Variants in PARD3B observed in about 807,000 individuals in gnomAD.
The protein encoded by PARD3B is partitioning defective 3 homolog B.
In PARD3B, 103 loss-of-function variants were observed where a neutral mutation model predicts 130.2. The ratio of observed to expected loss-of-function variants is 0.79; its 90% confidence interval spans 0.67 to 0.93. The LOEUF is 0.93. Ranked by LOEUF, PARD3B falls within the 40% of genes least tolerant of loss-of-function variation. PARD3B has a pLI of 0.00. For missense variants in PARD3B, 1,609 were observed against 1,499.2 expected (o/e 1.07, Z -1.21); for synonymous variants, 583 against 553.2 (o/e 1.05, Z -0.76).
Position 204,837,714 on chromosome 2 carries a change from G to T in PARD3B, c.223-127438G>T, listed in dbSNP as rs372003180. Among the ~76,000 whole-genome samples the T allele has an allele frequency of 2.6e-4, 39 of 152,200 alleles. 1 individual carries two copies. The highest frequency in any genetic ancestry group is 9.1e-4 in the African/African-American group (38 of 41,540). On this transcript the variant is annotated intron_variant, in intron 2 of 22. Coordinates refer to ENST00000406610, the MANE Select transcript of PARD3B (RefSeq NM_001302769.2). ...TCATGAGGAGCTCACTATTCTGTAGGAAAGACCATACCCTAGTTGGGCAGC... is the reference window on the plus strand; with the variant it reads ...TCATGAGGAGCTCACTATTCTGTAGTAAAGACCATACCCTAGTTGGGCAGC...
chr2:205,295,093 C>CCT (rs1553662621), intron 16 of PARD3B, among the ~76,000 whole-genome samples: 2 of 151,936 alleles, frequency 1.3e-5, no homozygotes, highest in Non-Finnish European at 2.9e-5. Flanking sequence ...AAAAATCAAA[C>CCT]AGAAAATTTT....
rs1477702616 is a variant in PARD3B, at chr2:205,618,108, G to GTTGC, written c.*2296_*2299dup. 7 of 152,190 alleles carry GTTGC rather than the reference G, an allele frequency of 4.6e-5. No individual in the cohort carries two copies. The highest frequency in any genetic ancestry group is 7.3e-5 in the Non-Finnish European group (5 of 68,040). The allele number at this position is 152,190 out of a possible 1,614,324, so 9.4% of individuals were successfully genotyped here. A position where few individuals can be genotyped will look rare whatever the true frequency, so the allele number is the denominator to read the frequency against. On this transcript the variant is annotated 3_prime_UTR_variant, in exon 23 of 23. Transcript: ENST00000406610. ...AAACTGCTCCAAAGCTGGGTTTTGTGTTGCATACAAAGTCAATAAAATAGT... is the reference window on the plus strand; with the variant it reads ...AAACTGCTCCAAAGCTGGGTTTTGTGTTGCTTGCATACAAAGTCAATAAAATAGT...
At position 205,245,158 on chromosome 2, in the gene PARD3B, G is replaced by A. The variant is rs564556868; in HGVS notation, c.2141-620G>A. On this transcript the variant is annotated intron_variant, in intron 15 of 22. Coordinates refer to ENST00000406610, the MANE Select transcript of PARD3B (RefSeq NM_001302769.2). ...GTTCTGCTTGGGTGTTGGCTTTCCC[G>A]CACGGCTGCCTGGAGGCTTTCTTCA... is the stretch of plus-strand genomic sequence containing the variant. Among the ~76,000 whole-genome samples, 14 of 152,240 alleles carry A rather than the reference G, an allele frequency of 9.2e-5. No homozygotes were observed. The South Asian group carries it at 1.7e-3, about 18-fold the overall frequency.
chr2:205,178,719 C>T (rs913428183), intron 13 of PARD3B, among the ~76,000 whole-genome samples: 15 of 152,172 alleles, frequency 9.9e-5, no homozygotes, highest in Non-Finnish European at 1.9e-4. Context: ...CCAGTGACAT[C>T]TAAATGAACA....
In PARD3B at chr2:205,280,415, T is replaced by G. The variant is rs1018261510; in HGVS notation, c.2186-20115T>G. Among the ~76,000 whole-genome samples, 2 of 152,242 alleles carry G rather than the reference T, an allele frequency of 1.3e-5. No homozygotes were observed. The highest frequency in any genetic ancestry group is 3.8e-4 in the East Asian group (2 of 5,206). On this transcript the variant is annotated intron_variant, in intron 16 of 22. Transcript: ENST00000406610. The surrounding 1 kb of genome is among the most constrained non-coding windows in gnomAD (Gnocchi z 4.7). Reference sequence around the variant, plus strand: ...CACGACTGTTCTTGGTTTTCAGACTTGTGACTTTGTTCATTAGAGCAAATG... The same window carrying G: ...CACGACTGTTCTTGGTTTTCAGACTGGTGACTTTGTTCATTAGAGCAAATG...
chr2:204,634,123 C>T (rs1282613306), intron 1 of PARD3B, among the ~76,000 whole-genome samples: 1 of 152,158 alleles, frequency 6.6e-6, no homozygotes, highest in Non-Finnish European at 1.5e-5. Context: ...TTCCCACCTC[C>T]CTCCTGCCCT....
chr2:204,683,289 A>G (rs975139810), intron 1 of PARD3B, among the ~76,000 whole-genome samples: 1 of 152,206 alleles, frequency 6.6e-6, no homozygotes, highest in Non-Finnish European at 1.5e-5. Context: ...TACTTGTGCA[A>G]TATAAAGGCA....
chr2:205,521,023 G>A (rs868368593), intron 21 of PARD3B, among the ~76,000 whole-genome samples: 47 of 150,376 alleles, frequency 3.1e-4, no homozygotes, highest in East Asian at 9.7e-4. Context: ...AGTATGAGGC[G>A]ATGAAATTTA....
chr2:204,763,456 A>C (rs1258438178), intron 2 of PARD3B, among the ~76,000 whole-genome samples: 6 of 152,204 alleles, frequency 3.9e-5, no homozygotes, highest in African/African-American at 7.2e-5. Context: ...TTAGCAAAAG[A>C]CTCAAAATTC....
rs1315348736 is a variant in PARD3B at position 205,269,887 on chromosome 2, C to T, written c.2185+24065C>T. Reference sequence around the variant, plus strand: ...TCAATATATCCTAATTCACCAATATCAGTATAACATGTAATTTTTTCCCTA... The same window carrying T: ...TCAATATATCCTAATTCACCAATATTAGTATAACATGTAATTTTTTCCCTA... On this transcript the variant is annotated intron_variant, in intron 16 of 22. Transcript: ENST00000406610. This position sits in a 1 kb window ranked among gnomAD's most constrained non-coding sequence, Gnocchi z 4.7. Among the ~76,000 whole-genome samples the T allele has an allele frequency of 6.6e-6, 1 of 152,080 alleles. No homozygotes were observed. The highest frequency in any genetic ancestry group is 6.6e-5 in the Admixed American group (1 of 15,256).
At chr2:205,255,941 C>T (rs528572230) in intron 16 of PARD3B, among the ~76,000 whole-genome samples, 26 of 152,042 alleles carry the variant, frequency 1.7e-4, no homozygotes, top group Non-Finnish European at 3.5e-4. Context: ...TCTCTCTCTC[C>T]GGCTTAGAGG....
chr2:205,165,464 C>A (rs1382084569), intron 11 of PARD3B, among the ~76,000 whole-genome samples: 1 of 148,556 alleles, frequency 6.7e-6, no homozygotes, highest in Non-Finnish European at 1.5e-5. Flanking sequence ...ATTTTGAAAG[C>A]ATTATTTCAG....
intron 2 of PARD3B, among the ~76,000 whole-genome samples, chr2:204,800,454 G>T (rs983811112): frequency 5.9e-5 from 9 of 151,968 alleles, no homozygotes; most frequent in Non-Finnish European, 1.0e-4. Context: ...AGAGATCTAG[G>T]TAAAAAGTTT....
intron 1 of PARD3B, among the ~76,000 whole-genome samples, chr2:204,559,848 C>T (rs2031194301): frequency 6.6e-6 from 1 of 152,164 alleles, no homozygotes; most frequent in Non-Finnish European, 1.5e-5. Context: ...CCATGGAATA[C>T]TATGCAGCTG....
intron 22 of PARD3B, among the ~76,000 whole-genome samples, chr2:205,565,545 TG>T (rs1243207040): frequency 1.3e-5 from 2 of 152,196 alleles, no homozygotes; most frequent in Admixed American, 6.5e-5. Flanking sequence ...CTGCCTTCTG[TG>T]GGTCGGTTAT....
intron 2 of PARD3B, among the ~76,000 whole-genome samples, chr2:204,687,326 T>C (rs1407354431): frequency 6.6e-6 from 1 of 152,162 alleles, no homozygotes; most frequent in East Asian, 1.9e-4. Context: ...TATGTTGTTA[T>C]TAGCGATTTT....
intron 4 of PARD3B, among the ~76,000 whole-genome samples, chr2:205,059,496 G>A (rs1262981099): frequency 1.3e-5 from 2 of 151,966 alleles, no homozygotes; most frequent in African/African-American, 2.4e-5. Context: ...TAGTGTAATG[G>A]CCTCTTTCTT....
At chr2:204,974,199 T>TG (rs552033472) in intron 3 of PARD3B, among the ~76,000 whole-genome samples, 1 of 152,166 alleles carries the variant, frequency 6.6e-6, no homozygotes, top group Non-Finnish European at 1.5e-5. Flanking sequence ...TTTGGAACTT[T>TG]GGGGGGTTTT....
At chr2:204,580,096 G>C (rs561816378) in intron 1 of PARD3B, among the ~76,000 whole-genome samples, 5 of 152,240 alleles carry the variant, frequency 3.3e-5, no homozygotes, top group African/African-American at 1.2e-4. Context: ...TTGACCCAGG[G>C]GGACCCATAG....
Sources: gnomAD v4.1 joint callset for allele counts (sites outside exome capture counted in the v4.1 genomes callset) on GRCh38, gnomAD v4.1.1 for gene constraint, Gnocchi (gnomAD v3.1) non-coding constraint, MANE v1.5 for transcripts, NCBI Gene and HGNC (gene_info 2026-07-23, HGNC 2026-07-21) for gene names.